MCF2L: variants seen among roughly 807,000 people sequenced by gnomAD.
MCF2L encodes the protein MCF.2 cell line derived transforming sequence like, also known as guanine nucleotide exchange factor DBS.
In MCF2L, 97 loss-of-function variants were observed where a neutral mutation model predicts 153.4. That is an observed-to-expected ratio of 0.63 (90% CI 0.54 to 0.75). The LOEUF is 0.75. Ranked by LOEUF, MCF2L falls within the 30% of genes least tolerant of loss-of-function variation. MCF2L has a pLI of 0.00. For missense variants in MCF2L, 1,347 were observed against 1,495.2 expected, an observed-to-expected ratio of 0.90 and a Z score of 1.64; for synonymous variants, 659 against 632.2, an observed-to-expected ratio of 1.04 and a Z score of -0.64.
chr13:113,049,011 G>A lies in MCF2L; in HGVS notation c.369+3650G>A, dbSNP rs373859684. ...CCTGGGCTGTGACCCTGGAGAGGGC[G>A]TCTTCCTGTCCCCAGGCCCCTGCTA... On this transcript the variant is annotated intron_variant, in intron 4 of 29. Coordinates refer to ENST00000535094, the MANE Select transcript of MCF2L (RefSeq NM_001112732.3). Among the ~76,000 whole-genome samples the A allele has an allele frequency of 3.3e-3, 507 of 152,200 alleles. 1 individual carries two copies. The highest frequency in any genetic ancestry group is 0.011 in the African/African-American group (470 of 41,450).
At chr13:112,952,503 C>A (rs1255748735) in intron 2 of MCF2L, among the ~76,000 whole-genome samples, 3 of 152,200 alleles carry the variant, frequency 2.0e-5, no homozygotes, top group African/African-American at 7.2e-5. Context: ...CTCCCACAGA[C>A]CAGTCACCGG....
intron 2 of MCF2L, chr13:112,910,082 G>C (rs939754208): frequency 7.2e-5 from 11 of 152,246 alleles, no homozygotes; most frequent in African/African-American, 2.7e-4. Flanking sequence ...ACATAGCAGA[G>C]TGAAAAGGAG....
At chr13:112,936,279 CAAAAAA>C (rs34826552) in intron 2 of MCF2L, among the ~76,000 whole-genome samples, 3 of 74,280 alleles carry the variant, frequency 4.0e-5, no homozygotes, top group Non-Finnish European at 7.5e-5. Flanking sequence ...GACTCTGTCT[CAAAAAA>C]AAAAAAAAAA....
At chr13:113,030,212 C>T (rs1020732342) in intron 3 of MCF2L, among the ~76,000 whole-genome samples, 12 of 152,148 alleles carry the variant, frequency 7.9e-5, no homozygotes, top group African/African-American at 2.7e-4. Flanking sequence ...AGGTGTCTGC[C>T]GACGCCCGGT....
At position 113,074,563 on chromosome 13, in the gene MCF2L, C is replaced by A. The variant is rs746572486; in HGVS notation, c.1116C>A (p.Gly372=). ...TGGCCAGCTTCGAGGAGAAATCAGG[C>A]GTAAGGCGGGGTCCCGGCGGGGGCG... The part of the protein sequence containing the change: ...RDLASFEEKS[G]VAVERARALS... Residue 372 remains glycine, a splice_region_variant and synonymous_variant, in exon 10 of 30, where the codon GGC becomes GGA. Coordinates refer to ENST00000535094, the MANE Select transcript of MCF2L (RefSeq NM_001112732.3). The surrounding 1 kb of genome is among the most constrained non-coding windows in gnomAD (Gnocchi z 4.2). 7.4e-6 allele frequency: 12 copies of A among 1,613,168 alleles called. No homozygotes were observed. The highest frequency in any genetic ancestry group is 1.1e-5 in the South Asian group (1 of 91,084).
intron 4 of MCF2L, among the ~76,000 whole-genome samples, chr13:113,051,942 C>T (rs1400819874): frequency 6.6e-6 from 1 of 152,186 alleles, no homozygotes; most frequent in African/African-American, 2.4e-5. Context: ...CGTCCTGACC[C>T]AGTCACCTCT....
chr13:113,007,373 G>A (rs2083774091), intron 1 of MCF2L, among the ~76,000 whole-genome samples: 1 of 152,220 alleles, frequency 6.6e-6, no homozygotes, highest in African/African-American at 2.4e-5. Context: ...AGAACAGCGG[G>A]GGTCTAACCC....
intron 4 of MCF2L, chr13:113,047,435 G>A (rs2086885422): frequency 6.6e-6 from 1 of 152,330 alleles, no homozygotes; most frequent in East Asian, 1.9e-4. Flanking sequence ...GAACCCACGG[G>A]GTCAGACACA....
At chr13:113,034,646 CGCCCTT>C (rs1195544711) in intron 3 of MCF2L, among the ~76,000 whole-genome samples, 1 of 150,828 alleles carries the variant, frequency 6.6e-6, no homozygotes, top group Non-Finnish European at 1.5e-5. Flanking sequence ...CCCACGCCCT[CGCCCTT>C]GCCCTGGTCT....
At chr13:113,087,195 C>T in intron 21 of MCF2L, 40 bp from the exon 22 acceptor site, 1 of 1,556,178 alleles carries the variant, frequency 6.4e-7, no homozygotes, top group Non-Finnish European at 8.8e-7. Flanking sequence ...GGCCCCAGGC[C>T]CATCCCGTCC....
intron 2 of MCF2L, among the ~76,000 whole-genome samples, chr13:112,927,463 T>G (rs534317696): frequency 6.6e-6 from 1 of 152,198 alleles, no homozygotes; most frequent in Middle Eastern, 3.4e-3. Context: ...TGGAGGTCTT[T>G]GGATAAATGA....
chr13:113,001,984 G>A (rs371755391), intron 1 of MCF2L: 6 of 1,580,654 alleles, frequency 3.8e-6, no homozygotes, highest in Non-Finnish European at 5.1e-6. Context: ...GCCGGCGCAG[G>A]TGCGTGGGGC....
chr13:113,096,729 G>T lies in MCF2L; in HGVS notation c.3293-45G>T, dbSNP rs772074100. The T allele has an allele frequency of 3.2e-6, 5 of 1,553,776 alleles. No homozygotes were observed. The East Asian group carries it at 1.2e-4, about 37-fold the overall frequency. On this transcript the variant is annotated intron_variant, in intron 29 of 29. Transcript: ENST00000535094. ...CGAGGAAGCTGCCCCGTGTGTGCCC[G>T]GCAGAGCCGACGCCGAAGCCCGTCC...
rs774018513 is a variant in MCF2L, at chr13:113,084,100, A to C, written c.2061+33A>C. On this transcript the variant is annotated intron_variant, in intron 18 of 29. Transcript: ENST00000535094. ...GTGTTTTGACGTGTATTTTGTCACA[A>C]CTTCTTAAAAGTACTGAATAATGAC... is the stretch of plus-strand genomic sequence containing the variant. 2.6e-6 allele frequency: 4 copies of C among 1,549,058 alleles called. No homozygotes were observed. In the South Asian group the frequency reaches 3.4e-5, roughly 13 times the overall value.
Position 113,064,834 on chromosome 13 carries a change from A to G in MCF2L, c.607-102A>G. 7.4e-7 allele frequency: 1 copy of G among 1,351,262 alleles called. No individual in the cohort carries two copies. Among genetic ancestry groups the G allele is most frequent in the Non-Finnish European group, 1.0e-6 (1 of 983,626 alleles). The allele number at this position is 1,351,262 out of a possible 1,614,324, so 83.7% of individuals were successfully genotyped here. A position where few individuals can be genotyped will look rare whatever the true frequency, so the allele number is the denominator to read the frequency against. On this transcript the variant is annotated intron_variant, in intron 6 of 29. Transcript: ENST00000535094. This position sits in a 1 kb window ranked among gnomAD's most constrained non-coding sequence, Gnocchi z 6.0. ...TCTTTGCGTCAGCCGGTCTCACCTG[A>G]TGGGTCTGTGTGGGAACGGTTTCCG...
rs921713383 is a variant in MCF2L, at chr13:112,941,953, C to T, written c.169+39582C>T. ...GCCACCAGAGGGCTCTTTGGTCTAGCGGTAACGCCAGCATCTGGGAAGACG... is the reference window on the plus strand; with the variant it reads ...GCCACCAGAGGGCTCTTTGGTCTAGTGGTAACGCCAGCATCTGGGAAGACG... On this transcript the variant is annotated intron_variant, in intron 2 of 29. Coordinates refer to the MCF2L transcript ENST00000375608. The surrounding 1 kb of genome is among the most constrained non-coding windows in gnomAD (Gnocchi z 4.9). Among the ~76,000 whole-genome samples, 2 of 152,198 alleles carry T rather than the reference C, an allele frequency of 1.3e-5. No homozygotes were observed. Among genetic ancestry groups the T allele is most frequent in the African/African-American group, 2.4e-5 (1 of 41,466 alleles).
chr13:112,907,291 T>C lies in MCF2L; in HGVS notation c.169+4920T>C, dbSNP rs1300638027. ...GTTTGCAGAAACAATTAGCTGGAGC[T>C]GAAAATGTACTTTGGGGAAGGGGAA... On this transcript the variant is annotated intron_variant, in intron 2 of 29. Coordinates refer to the MCF2L transcript ENST00000375608. This position sits in a 1 kb window ranked among gnomAD's most constrained non-coding sequence, Gnocchi z 5.1. Among the ~76,000 whole-genome samples the C allele has an allele frequency of 1.3e-5, 2 of 152,158 alleles. No homozygotes were observed. Among genetic ancestry groups the C allele is most frequent in the African/African-American group, 2.4e-5 (1 of 41,428 alleles).
intron 1 of MCF2L, among the ~76,000 whole-genome samples, chr13:112,999,996 G>A (rs1325213798): frequency 6.6e-6 from 1 of 151,380 alleles, no homozygotes; most frequent in African/African-American, 2.4e-5. Flanking sequence ...CGAGTGGGCC[G>A]GGAATGAAGA....
chr13:113,095,971 C>A, intron 27 of MCF2L: 1 of 401,888 alleles, frequency 2.5e-6, no homozygotes, highest in Non-Finnish European at 4.1e-6. Flanking sequence ...AGGACAGCTG[C>A]AGGGAGAGGG....
Sources: gnomAD v4.1 joint callset for allele counts (sites outside exome capture counted in the v4.1 genomes callset) on GRCh38, gnomAD v4.1.1 for gene constraint, Gnocchi (gnomAD v3.1) non-coding constraint, MANE v1.5 for transcripts, NCBI Gene and HGNC (gene_info 2026-07-23, HGNC 2026-07-21) for gene names.